The following OSBPL3 variants were observed in gnomAD, a reference collection of about 807,000 sequenced individuals.
The protein encoded by OSBPL3 is oxysterol-binding protein-related protein 3.
OSBPL3 carries 65 observed loss-of-function variants against 120.1 expected under a neutral mutation model. The ratio of observed to expected loss-of-function variants is 0.54; its 90% CI spans 0.44 to 0.67. The LOEUF is 0.67. Ranked by LOEUF, OSBPL3 falls within the 30% of genes least tolerant of loss-of-function variation. The probability of loss-of-function intolerance (pLI) is 0.00; values close to 1 mark genes in which losing one functional copy is unlikely to be tolerated. For synonymous variants in OSBPL3, 416 were observed against 402.6 expected (o/e 1.03, Z -0.40); for missense variants, 1,004 against 1,082.1 (o/e 0.93, Z 1.01).
intron 19 of OSBPL3, among the ~76,000 whole-genome samples, chr7:24,811,918 AAATG>A (rs1356222341): frequency 3.9e-5 from 6 of 152,216 alleles, no homozygotes; most frequent in Non-Finnish European, 7.3e-5. Flanking sequence ...TATTTAATAA[AAATG>A]AATGGTTAAC....
chr7:24,878,666 T>C (rs1249201530), intron 2 of OSBPL3, among the ~76,000 whole-genome samples: 1 of 152,204 alleles, frequency 6.6e-6, no homozygotes, highest in East Asian at 1.9e-4. Context: ...TTCTCAGCTA[T>C]GGTTTTTTGT....
rs1800552562 is a variant in OSBPL3, at chr7:24,861,654, A to C, written c.986T>G (p.Phe329Cys). 1 of 1,605,984 alleles carries C rather than the reference A, an allele frequency of 6.2e-7. No individual in the cohort carries two copies. The highest frequency in any genetic ancestry group is 8.5e-7 in the Non-Finnish European group (1 of 1,176,912). The change falls in exon 10 of 23, where the codon TTT (phenylalanine) becomes TGT (cysteine). Residue 329 changes from phenylalanine (F) to cysteine (C), a missense_variant. Physicochemically the swap from Phe to Cys is radical, Grantham distance 205. Around this residue, in one of 4 missense-constraint regions of OSBPL3, gnomAD observed 272 missense variants for 248.8 expected, o/e 1.09. Coordinates refer to ENST00000313367, the MANE Select transcript of OSBPL3 (RefSeq NM_015550.4). ...ACACAGATCTTCTTGCATTTTAGAA[A>C]ACTCTGATGAGGTTTCAGAGCCATC... The part of the protein sequence containing the change: ...YSDGSETSSE[F>C]SKMQEDLCHI...
intron 1 of OSBPL3, among the ~76,000 whole-genome samples, chr7:24,907,254 G>T (rs1035960342): frequency 2.0e-5 from 3 of 152,136 alleles, no homozygotes; most frequent in Admixed American, 6.5e-5. Flanking sequence ...GCTCTCCCCT[G>T]CTCCAAATTC....
rs1805853718 is a variant in OSBPL3, at chr7:24,894,575, A to AG, written c.-149-1955dup. Among the ~76,000 whole-genome samples, 1 of 151,540 alleles carries AG rather than the reference A, an allele frequency of 6.6e-6. No homozygotes were observed. The highest frequency in any genetic ancestry group is 2.1e-4 in the South Asian group (1 of 4,816). ...ATGTGTGTCTGTGCTTGGGGCGGGGAGGGGGCATCCACTGCTATGGCAACA... is the reference window on the plus strand; with the variant it reads ...ATGTGTGTCTGTGCTTGGGGCGGGGAGGGGGGCATCCACTGCTATGGCAACA... On this transcript the variant is annotated intron_variant, in intron 1 of 22. Transcript: ENST00000313367. The surrounding 1 kb of genome is among the most constrained non-coding windows in gnomAD (Gnocchi z 4.1).
At chr7:24,893,009 T>A (rs1342397496) in intron 1 of OSBPL3, among the ~76,000 whole-genome samples, 1 of 152,224 alleles carries the variant, frequency 6.6e-6, no homozygotes, top group Non-Finnish European at 1.5e-5. Flanking sequence ...CCTCAGACAT[T>A]GCTGGTGGAA....
chr7:24,906,718 G>T (rs1807985454), intron 1 of OSBPL3: 2 of 152,364 alleles, frequency 1.3e-5, no homozygotes. Context: ...GTGAACACAG[G>T]AGTGCTGATA....
rs1327927891 is a variant in OSBPL3 at position 24,965,672 on chromosome 7, GA to G, written c.-150+14213del. Among the ~76,000 whole-genome samples, 2 of 152,120 alleles carry G rather than the reference GA, an allele frequency of 1.3e-5. No homozygotes were observed. The highest frequency in any genetic ancestry group is 2.4e-5 in the African/African-American group (1 of 41,428). On this transcript the variant is annotated intron_variant, in intron 1 of 22. Transcript: ENST00000313367. This position sits in a 1 kb window ranked among gnomAD's most constrained non-coding sequence, Gnocchi z 4.3. ...ATTAAATCAGAAACCCACTAAATCA[GA>G]AACTGTGGGGGTGGGGCCCAGCAAT...
intron 1 of OSBPL3, among the ~76,000 whole-genome samples, chr7:24,948,142 G>C (rs573727449): frequency 1.3e-5 from 2 of 152,260 alleles, no homozygotes; most frequent in South Asian, 2.1e-4. Context: ...AAGACAAAGC[G>C]AGAGAGAGAA....
chr7:24,837,105 G>A (rs1364154374), intron 14 of OSBPL3, among the ~76,000 whole-genome samples: 1 of 152,194 alleles, frequency 6.6e-6, no homozygotes, highest in Admixed American at 6.5e-5. Flanking sequence ...AAAGTCCTGG[G>A]ATTACAGGCG....
rs186882548 is a variant in OSBPL3 at position 24,956,360 on chromosome 7, A to G, written c.-150+23526T>C. The stretch of plus-strand genomic sequence containing the variant: ...AGTGGATAGAACTGTTTTATTCATT[A>G]GGGGATAAGGGTACTCAGAAAAGAA... On this transcript the variant is annotated intron_variant, in intron 1 of 22. Transcript: ENST00000313367. Among the ~76,000 whole-genome samples the G allele has an allele frequency of 3.9e-5, 6 of 152,388 alleles. No homozygotes were observed. The East Asian group carries it at 1.2e-3, about 29-fold the overall frequency.
rs1008078447 is a variant in OSBPL3, at chr7:24,808,475, T to C, written c.2317+1332A>G. On this transcript the variant is annotated intron_variant, in intron 20 of 22. Coordinates refer to ENST00000313367, the MANE Select transcript of OSBPL3 (RefSeq NM_015550.4). The surrounding 1 kb of genome is among the most constrained non-coding windows in gnomAD (Gnocchi z 4.6). ...TAACACTGAGACAGGATCGCAGTTC[T>C]CATCTGTGATGCATACTTTAAGCAA... Among the ~76,000 whole-genome samples, 6 of 152,374 alleles carry C rather than the reference T, an allele frequency of 3.9e-5. No individual in the cohort carries two copies. Among genetic ancestry groups the C allele is most frequent in the South Asian group, 2.1e-4 (1 of 4,830 alleles).
intron 1 of OSBPL3, among the ~76,000 whole-genome samples, chr7:24,902,245 CT>C (rs1444339162): frequency 2.1e-4 from 31 of 149,906 alleles, no homozygotes; most frequent in African/African-American, 7.9e-4. Context: ...GTATTTTACT[CT>C]TTTAATCAGA....
In OSBPL3 at chr7:24,830,386, G is replaced by A. The variant is rs941106344; in HGVS notation, c.1884+382C>T. ...ATTGAGAATAACGCATTTATCTGGC[G>A]CTACCCACTCTGCTGGGGGCATTCA... On this transcript the variant is annotated intron_variant, in intron 16 of 22. Transcript: ENST00000313367. The surrounding 1 kb of genome is among the most constrained non-coding windows in gnomAD (Gnocchi z 4.4). 6.6e-5 allele frequency among the ~76,000 whole-genome samples: 10 copies of A among 152,180 alleles called. No homozygotes were observed. Among genetic ancestry groups the A allele is most frequent in the African/African-American group, 1.9e-4 (8 of 41,432 alleles).
rs566413151 is a variant in OSBPL3, at chr7:24,881,556, T to C, written c.97-9487A>G. 6.6e-6 allele frequency among the ~76,000 whole-genome samples: 1 copy of C among 152,152 alleles called. No individual in the cohort carries two copies. Among genetic ancestry groups the C allele is most frequent in the African/African-American group, 2.4e-5 (1 of 41,438 alleles). ...GGTTGAAAATTTGTAAATTGTCAAA[T>C]GGGAGATTCACACAAACCTGCTGCA... On this transcript the variant is annotated intron_variant, in intron 2 of 22. Coordinates refer to ENST00000313367, the MANE Select transcript of OSBPL3 (RefSeq NM_015550.4). The surrounding 1 kb of genome is among the most constrained non-coding windows in gnomAD (Gnocchi z 4.3).
At position 24,872,299 on chromosome 7, in the gene OSBPL3, AG is replaced by A. The variant is rs1802241773; in HGVS notation, c.97-231del. Among the ~76,000 whole-genome samples, 1 of 151,700 alleles carries A rather than the reference AG, an allele frequency of 6.6e-6. No individual in the cohort carries two copies. Among genetic ancestry groups the A allele is most frequent in the African/African-American group, 2.4e-5 (1 of 41,294 alleles). On this transcript the variant is annotated intron_variant, in intron 2 of 22. Coordinates refer to ENST00000313367, the MANE Select transcript of OSBPL3 (RefSeq NM_015550.4). The surrounding 1 kb of genome is among the most constrained non-coding windows in gnomAD (Gnocchi z 4.1). ...TTTTTAAAGCTCTTTTTTTTTTAGA[AG>A]GGAATGTTTCTTTCGGTGTTTGAAC...
At position 24,819,544 on chromosome 7, in the gene OSBPL3, G is replaced by A. The variant is rs973141345; in HGVS notation, c.1948+631C>T. Among the ~76,000 whole-genome samples the A allele has an allele frequency of 2.0e-5, 3 of 152,186 alleles. No homozygotes were observed. The highest frequency in any genetic ancestry group is 4.4e-5 in the Non-Finnish European group (3 of 68,040). On this transcript the variant is annotated intron_variant, in intron 17 of 22. Transcript: ENST00000313367. This position sits in a 1 kb window ranked among gnomAD's most constrained non-coding sequence, Gnocchi z 4.1. ...TTTTAAAGTTTAATAGACTGCGTGTGTGTGTGTGCCTGTGTGTGTAAAGGT... is the reference window on the plus strand; with the variant it reads ...TTTTAAAGTTTAATAGACTGCGTGTATGTGTGTGCCTGTGTGTGTAAAGGT...
intron 2 of OSBPL3, among the ~76,000 whole-genome samples, chr7:24,875,237 G>A (rs1802684384): frequency 6.6e-6 from 1 of 152,222 alleles, no homozygotes; most frequent in Non-Finnish European, 1.5e-5. Flanking sequence ...CAGAGTAACT[G>A]AGGGAAGACT....
intron 1 of OSBPL3, among the ~76,000 whole-genome samples, chr7:24,979,330 T>C (rs1817938661): frequency 6.6e-6 from 1 of 150,598 alleles, no homozygotes; most frequent in African/African-American, 2.4e-5. Flanking sequence ...AGCTGATGAA[T>C]ATGTAAATTC....
At chr7:24,848,515 T>C (rs1380880413) in intron 12 of OSBPL3, among the ~76,000 whole-genome samples, 1 of 152,236 alleles carries the variant, frequency 6.6e-6, no homozygotes, top group Non-Finnish European at 1.5e-5. Flanking sequence ...TCCCTAGTCT[T>C]GAAGAAAGAC....
Sources: gnomAD v4.1 joint callset for allele counts (sites outside exome capture counted in the v4.1 genomes callset) on GRCh38, gnomAD v4.1.1 for gene constraint, gnomAD v4.1.1 regional missense constraint, Gnocchi (gnomAD v3.1) non-coding constraint, MANE v1.5 for transcripts, NCBI Gene and HGNC (gene_info 2026-07-23, HGNC 2026-07-21) for gene names.